The following PRRC1 variants were observed in gnomAD, a reference collection of about 807,000 sequenced individuals.
PRRC1 encodes proline rich coiled-coil 1, also known as protein PRRC1.
In PRRC1, 39 loss-of-function variants were observed where a neutral mutation model predicts 40.7. The ratio of observed to expected loss-of-function variants is 0.96; its 90% CI spans 0.74 to 1.25. The LOEUF (loss-of-function observed/expected upper bound fraction) is 1.25, where lower values mean the gene tolerates loss of function less well. Among genes scored for constraint, PRRC1 ranks in the 50% most tolerant of loss-of-function variants. PRRC1 has a pLI of 0.00. For missense variants in PRRC1, 573 were observed against 548.3 expected (o/e 1.05, Z -0.45); for synonymous variants, 175 against 193.3 (o/e 0.91, Z 0.79).
At chr5:127,521,827 G>A (rs1767467045) in intron 1 of PRRC1, among the ~76,000 whole-genome samples, 1 of 151,880 alleles carries the variant, frequency 6.6e-6, no homozygotes. Context: ...CACTTTTTCT[G>A]GACTCTGCCT....
Position 127,530,325 on chromosome 5 carries a change from T to C in PRRC1, c.686T>C (p.Val229Ala), listed in dbSNP as rs376798283. 1.2e-6 allele frequency: 2 copies of C among 1,613,860 alleles called. No individual in the cohort carries two copies. The highest frequency in any genetic ancestry group is 2.7e-5 in the African/African-American group (2 of 74,918). ...GCTGGGAATCCTATGGTGAAGTCTG[T>C]GCTTGATAAGACAAAACATTCAGTA... Reference protein sequence around the residue: ...GVAGNPMVKSVLDKTKHSVES... With the variant: ...GVAGNPMVKSALDKTKHSVES... The change falls in exon 5 of 9, where the codon GTG (valine) becomes GCG (alanine). Residue 229 changes from valine to alanine, a missense_variant. Val to Ala is a moderately conservative substitution (Grantham distance 64, BLOSUM62 0). Coordinates refer to ENST00000296666, the MANE Select transcript of PRRC1 (RefSeq NM_130809.5).
chr5:127,534,681 T>C (rs1463588075), intron 6 of PRRC1, among the ~76,000 whole-genome samples: 1 of 152,210 alleles, frequency 6.6e-6, no homozygotes, highest in Admixed American at 6.5e-5. Context: ...TTCTCATCAA[T>C]TCACTCTCAG....
intron 6 of PRRC1, 22 bp downstream of exon 6, chr5:127,533,808 T>C (rs1180598496): frequency 2.5e-6 from 4 of 1,612,916 alleles, no homozygotes; most frequent in Middle Eastern, 1.7e-4. Context: ...AACACCATTT[T>C]CAGGACATGG....
intron 7 of PRRC1, among the ~76,000 whole-genome samples, chr5:127,545,221 C>T (rs1768180349): frequency 6.6e-6 from 1 of 151,806 alleles, no homozygotes; most frequent in Non-Finnish European, 1.5e-5. Flanking sequence ...TTGTGGAAGT[C>T]AGTGTGGCGA....
At chr5:127,527,941 T>C (rs1767667974) in intron 4 of PRRC1, among the ~76,000 whole-genome samples, 1 of 152,176 alleles carries the variant, frequency 6.6e-6, no homozygotes, top group African/African-American at 2.4e-5. Flanking sequence ...CATTTTTCAC[T>C]TGCCAGCAGT....
At chr5:127,528,129 T>G (rs1767672102) in intron 4 of PRRC1, among the ~76,000 whole-genome samples, 1 of 152,186 alleles carries the variant, frequency 6.6e-6, no homozygotes, top group Non-Finnish European at 1.5e-5. Context: ...ATTGGGATGA[T>G]TTTCTTTTCT....
At chr5:127,519,483 G>C (rs1379485136) in intron 1 of PRRC1, among the ~76,000 whole-genome samples, 1 of 152,210 alleles carries the variant, frequency 6.6e-6, no homozygotes, top group African/African-American at 2.4e-5. Flanking sequence ...CAGTTTGGCA[G>C]ATCCATTGAA....
chr5:127,545,293 A>G (rs1028797140), intron 7 of PRRC1, among the ~76,000 whole-genome samples: 1 of 151,966 alleles, frequency 6.6e-6, no homozygotes, highest in Non-Finnish European at 1.5e-5. Context: ...CTGGGTATAT[A>G]CCCAAAGGAC....
At chr5:127,528,825 T>G (rs1298666765) in intron 4 of PRRC1, among the ~76,000 whole-genome samples, 4 of 152,188 alleles carry the variant, frequency 2.6e-5, no homozygotes, top group Non-Finnish European at 4.4e-5. Flanking sequence ...TATTTCAATA[T>G]CATATCCCCA....
At position 127,526,769 on chromosome 5, in the gene PRRC1, T is replaced by A; in HGVS notation, c.645T>A (p.Gly215=). Residue 215 remains glycine, a synonymous_variant, in exon 4 of 9, where the codon GGT becomes GGA. Transcript: ENST00000296666. ...QDEASAGGIW[G]FIKGVAGNPM... The stretch of plus-strand genomic sequence containing the variant: ...AAGCATCTGCTGGTGGAATCTGGGG[T>A]TTTATTAAGGTAAGACGTGTTTAAA... 6.2e-7 allele frequency: 1 copy of A among 1,603,514 alleles called. No individual in the cohort carries two copies. Among genetic ancestry groups the A allele is most frequent in the Non-Finnish European group, 8.5e-7 (1 of 1,175,166 alleles).
At position 127,524,687 on chromosome 5, in the gene PRRC1, T is replaced by C; in HGVS notation, c.260T>C (p.Val87Ala). The change falls in exon 3 of 9, where the codon GTT (valine) becomes GCT (alanine). Residue 87 changes from valine to alanine, a missense_variant. By Grantham distance (64) the Val-to-Ala change is moderately conservative (BLOSUM62 0). Transcript: ENST00000296666. ...GCAGTTCCTTCTGTCCCACCACTTG[T>C]TACTTCTATGCCACCTCCTGTTTCT... ...PPAVPSVPPL[V>A]TSMPPPVSPS... 3.1e-6 allele frequency: 5 copies of C among 1,614,212 alleles called. No individual in the cohort carries two copies. Among genetic ancestry groups the C allele is most frequent in the South Asian group, 2.2e-5 (2 of 91,080 alleles).
chr5:127,549,397 T>C (rs1768313358), intron 8 of PRRC1: 1 of 152,178 alleles, frequency 6.6e-6, no homozygotes, highest in South Asian at 2.1e-4. Flanking sequence ...ATCCTGACCA[T>C]GAAAAATTTG....
Position 127,524,987 on chromosome 5 carries a change from A to G in PRRC1, c.493+67A>G, listed in dbSNP as rs574379865. On this transcript the variant is annotated intron_variant, in intron 3 of 8. Coordinates refer to ENST00000296666, the MANE Select transcript of PRRC1 (RefSeq NM_130809.5). Reference sequence around the variant, plus strand: ...ATGTTTTATTCTTTTTTAAAATAATAGCTTTGTTGAGATATAATTTATGTA... The same window carrying G: ...ATGTTTTATTCTTTTTTAAAATAATGGCTTTGTTGAGATATAATTTATGTA... The G allele has an allele frequency of 6.2e-5, 87 of 1,396,400 alleles. 1 individual carries two copies. In the African/African-American group the frequency reaches 1.2e-3, roughly 19 times the overall value. 86.5% of individuals were successfully genotyped at this position (1,396,400 alleles called of 1,614,324 possible).
intron 7 of PRRC1, among the ~76,000 whole-genome samples, chr5:127,545,138 C>T (rs1768177657): frequency 1.3e-5 from 2 of 152,004 alleles, no homozygotes; most frequent in South Asian, 4.2e-4. Flanking sequence ...CAGGAAACAA[C>T]AGGTGCTGGA....
rs1446414101 is a variant in PRRC1, at chr5:127,542,774, A to C, written c.1025+3631A>C. Among the ~76,000 whole-genome samples the C allele has an allele frequency of 4.7e-5, 7 of 150,184 alleles. No homozygotes were observed. In the East Asian group the frequency reaches 7.8e-4, roughly 17 times the overall value. ...ATTTTGAGCCTATGTGTGTCTCTGCACGTGAGATGGGTTTCCTGAATACAG... is the reference window on the plus strand; with the variant it reads ...ATTTTGAGCCTATGTGTGTCTCTGCCCGTGAGATGGGTTTCCTGAATACAG... On this transcript the variant is annotated intron_variant, in intron 7 of 8. Coordinates refer to ENST00000296666, the MANE Select transcript of PRRC1 (RefSeq NM_130809.5).
intron 4 of PRRC1, among the ~76,000 whole-genome samples, chr5:127,529,838 C>G (rs1767718109): frequency 6.6e-6 from 1 of 152,100 alleles, no homozygotes; most frequent in Non-Finnish European, 1.5e-5. Flanking sequence ...AGTAACTGTT[C>G]TGCCCCCAGA....
At chr5:127,546,531 T>G (rs1768229242) in intron 7 of PRRC1, among the ~76,000 whole-genome samples, 1 of 152,198 alleles carries the variant, frequency 6.6e-6, no homozygotes, top group African/African-American at 2.4e-5. Flanking sequence ...CATCCTTTCC[T>G]CTATAATAAT....
chr5:127,548,546 TA>T (rs1216579995), intron 8 of PRRC1: 4 of 152,028 alleles, frequency 2.6e-5, no homozygotes, highest in African/African-American at 9.7e-5. Flanking sequence ...TCTGTGCTCT[TA>T]AGTGGTATTC....
intron 1 of PRRC1, among the ~76,000 whole-genome samples, chr5:127,518,156 T>C (rs1021364451): frequency 2.6e-5 from 4 of 152,140 alleles, no homozygotes; most frequent in Admixed American, 6.5e-5. Context: ...CGGCGGACCT[T>C]AGCCCGGCCC....
Sources: gnomAD v4.1 joint callset for allele counts (sites outside exome capture counted in the v4.1 genomes callset) on GRCh38, gnomAD v4.1.1 for gene constraint, MANE v1.5 for transcripts, NCBI Gene and HGNC (gene_info 2026-07-23, HGNC 2026-07-21) for gene names.